The following HTR2C variants were observed in gnomAD, a reference collection of about 807,000 sequenced individuals.
The protein encoded by HTR2C is 5-hydroxytryptamine receptor 2C.
Under a neutral mutation model 21.0 loss-of-function variants are expected in HTR2C, and 5 were observed. That is an observed-to-expected ratio of 0.24 (90% confidence interval 0.12 to 0.50). HTR2C has a LOEUF of 0.50. Ranked by LOEUF, HTR2C falls within the 20% of genes least tolerant of loss-of-function variation. HTR2C has a pLI of 0.98. For missense variants in HTR2C, 271 were observed against 371.2 expected (o/e 0.73, Z 2.22); for synonymous variants, 150 against 145.3 (o/e 1.03, Z -0.23).
rs782725469 is a variant in HTR2C, at chrX:114,627,568, C to T, written c.-80+13687C>T. On this transcript the variant is annotated intron_variant, in intron 2 of 5. Transcript: ENST00000276198. ...CTAAGCAATAAGGTTTATACATGTA[C>T]AAAGAGGTGAGGAATTAATGAAGCC... Among the ~76,000 whole-genome samples the T allele has an allele frequency of 6.1e-4, 68 of 110,857 alleles. 2 individuals are homozygous for T. The South Asian group carries it at 0.025, about 42-fold the overall frequency.
intron 2 of HTR2C, among the ~76,000 whole-genome samples, chrX:114,708,007 A>T (rs11167435): frequency 0.1 from 11,644 of 111,045 alleles, 619 homozygotes; most frequent in Middle Eastern, 0.22. Flanking sequence ...AAGCCAAAGT[A>T]AAAAATCCAG....
intron 4 of HTR2C, among the ~76,000 whole-genome samples, chrX:114,761,558 A>C (rs901556095): frequency 9.0e-6 from 1 of 111,168 alleles, no homozygotes; most frequent in African/African-American, 3.3e-5. Context: ...ATTCTGCAAA[A>C]AATTTCACAT....
chrX:114,803,266 C>T (rs1556447587), intron 4 of HTR2C, among the ~76,000 whole-genome samples: 1 of 55,244 alleles, frequency 1.8e-5, no homozygotes, highest in Non-Finnish European at 3.7e-5. Context: ...ATGGCTGGGT[C>T]AAATGGCATT....
chrX:114,653,375 A>G (rs1377152399), intron 2 of HTR2C, among the ~76,000 whole-genome samples: 1 of 110,563 alleles, frequency 9.0e-6, no homozygotes, highest in Non-Finnish European at 1.9e-5. Context: ...ATCTTAGCAT[A>G]TTTCTTTCTA....
At chrX:114,609,949 G>A (rs782630873) in intron 1 of HTR2C, among the ~76,000 whole-genome samples, 1 of 111,684 alleles carries the variant, frequency 9.0e-6, no homozygotes, top group African/African-American at 3.2e-5. Context: ...TCATCACAGT[G>A]GCAATTACAC....
At chrX:114,809,402 TGACAGA>T (rs2070510392) in intron 4 of HTR2C, among the ~76,000 whole-genome samples, 1 of 106,909 alleles carries the variant, frequency 9.4e-6, no homozygotes. Flanking sequence ...GTTTTTTTTT[TGACAGA>T]GTTTCGATCT....
intron 2 of HTR2C, among the ~76,000 whole-genome samples, chrX:114,669,902 A>G (rs1182670636): frequency 2.7e-5 from 3 of 112,101 alleles, no homozygotes; most frequent in African/African-American, 9.7e-5. Flanking sequence ...GAAAACAATC[A>G]TAGAGAAGTT....
intron 4 of HTR2C, among the ~76,000 whole-genome samples, chrX:114,834,187 G>A (rs2070757528): frequency 9.1e-6 from 1 of 110,283 alleles, no homozygotes; most frequent in South Asian, 4.0e-4. Flanking sequence ...GTTGATTTGG[G>A]GTGGAGAGTT....
intron 1 of HTR2C, among the ~76,000 whole-genome samples, chrX:114,595,819 A>T (rs1352975435): frequency 2.7e-5 from 3 of 111,707 alleles, no homozygotes; most frequent in Non-Finnish European, 5.6e-5. Flanking sequence ...ACAAAAAAAA[A>T]ATCCCAAATC....
rs782346902 is a variant in HTR2C, at chrX:114,647,171, A to G, written c.-80+33290A>G. Among the ~76,000 whole-genome samples the G allele has an allele frequency of 1.3e-4, 14 of 111,403 alleles. No individual in the cohort carries two copies. In the Middle Eastern group the frequency reaches 0.018, roughly 147 times the overall value. The stretch of plus-strand genomic sequence containing the variant: ...GGTTCTAAGAATCTTATTGCACAGC[A>G]TGAGGACTATAGTTAATAATAATGT... On this transcript the variant is annotated intron_variant, in intron 2 of 5. Transcript: ENST00000276198.
chrX:114,604,804 C>T (rs1213100325), intron 1 of HTR2C, among the ~76,000 whole-genome samples: 8 of 111,158 alleles, frequency 7.2e-5, no homozygotes, highest in Middle Eastern at 4.7e-3. Context: ...AATGCCTGGC[C>T]GCTGCGGTTC....
At chrX:114,840,293 T>C (rs953632708) in intron 4 of HTR2C, among the ~76,000 whole-genome samples, 13 of 110,098 alleles carry the variant, frequency 1.2e-4, no homozygotes, top group Non-Finnish European at 9.5e-5. Context: ...TCATAATTAT[T>C]GAAAATGGAA....
At chrX:114,722,743 A>T (rs1933273938) in intron 2 of HTR2C, among the ~76,000 whole-genome samples, 1 of 107,650 alleles carries the variant, frequency 9.3e-6, no homozygotes, top group East Asian at 2.9e-4. Context: ...GAATTTTGTC[A>T]AAGGCCTTTT....
At chrX:114,719,245 A>T (rs1454141593) in intron 2 of HTR2C, among the ~76,000 whole-genome samples, 1 of 109,791 alleles carries the variant, frequency 9.1e-6, no homozygotes, top group East Asian at 2.8e-4. Context: ...GTGTTCATGC[A>T]ACTTTAAAAG....
At chrX:114,663,715 T>G (rs1433776936) in intron 2 of HTR2C, among the ~76,000 whole-genome samples, 1 of 111,692 alleles carries the variant, frequency 9.0e-6, no homozygotes, top group East Asian at 2.8e-4. Context: ...ATTATTTATT[T>G]ACCAGGTTGC....
intron 1 of HTR2C, among the ~76,000 whole-genome samples, chrX:114,588,246 A>G (rs1411513398): frequency 1.8e-5 from 2 of 112,172 alleles, no homozygotes; most frequent in African/African-American, 6.5e-5. Flanking sequence ...TGGTCCCTAA[A>G]TTAGTAGCCT....
chrX:114,808,660 T>C (rs782695318), intron 4 of HTR2C, among the ~76,000 whole-genome samples: 15 of 111,870 alleles, frequency 1.3e-4, no homozygotes, highest in African/African-American at 4.9e-4. Flanking sequence ...TAAGGCATTT[T>C]AACCGGGGTG....
intron 2 of HTR2C, among the ~76,000 whole-genome samples, chrX:114,651,994 G>T (rs1556408560): frequency 9.0e-6 from 1 of 111,322 alleles, no homozygotes; most frequent in Non-Finnish European, 1.9e-5. Context: ...GATGATAATT[G>T]AAATCTCCAT....
chrX:114,601,860 C>T (rs781961046), intron 1 of HTR2C, among the ~76,000 whole-genome samples: 2 of 95,229 alleles, frequency 2.1e-5, no homozygotes, highest in South Asian at 1.2e-3. Context: ...GGATTAGGGG[C>T]GGCGTGGGAA....
Sources: gnomAD v4.1 joint callset for allele counts (sites outside exome capture counted in the v4.1 genomes callset) on GRCh38, gnomAD v4.1.1 for gene constraint, MANE v1.5 for transcripts, NCBI Gene and HGNC (gene_info 2026-07-23, HGNC 2026-07-21) for gene names.